PRICKLE2: variants seen among roughly 807,000 people sequenced by gnomAD.
The protein encoded by PRICKLE2 is prickle-like protein 2.
PRICKLE2 carries 21 observed loss-of-function variants against 81.4 expected under a neutral mutation model. That is an observed-to-expected ratio of 0.26 (90% CI 0.18 to 0.37). The LOEUF is 0.37. PRICKLE2 is among the 10% of genes least tolerant of loss of function. The pLI is 1.00. For missense variants in PRICKLE2, 940 were observed against 1,109.0 expected (o/e 0.85, Z 2.16); for synonymous variants, 456 against 421.5 (o/e 1.08, Z -1.00).
chr3:64,256,430 C>A (rs704404), intron 2 of PRICKLE2, among the ~76,000 whole-genome samples: 37,891 of 152,042 alleles, frequency 0.25, 4,959 homozygotes, highest in African/African-American at 0.31. Context: ...TCTCATTACA[C>A]AAGTACCTAC....
intron 2 of PRICKLE2, chr3:64,187,606 G>A (rs1440571894): frequency 1.3e-5 from 2 of 152,248 alleles, no homozygotes; most frequent in African/African-American, 2.4e-5. Context: ...CAAATGGCTG[G>A]TGAGTCTAAT....
intron 7 of PRICKLE2, among the ~76,000 whole-genome samples, chr3:64,112,483 C>G (rs1259093584): frequency 1.3e-5 from 2 of 151,864 alleles, no homozygotes; most frequent in African/African-American, 4.8e-5. Flanking sequence ...TAAATGGGTA[C>G]AATGGACAAG....
At chr3:64,183,837 CT>C (rs1220183619) in intron 2 of PRICKLE2, among the ~76,000 whole-genome samples, 2 of 152,190 alleles carry the variant, frequency 1.3e-5, no homozygotes, top group African/African-American at 4.8e-5. Context: ...TGATCCATGA[CT>C]TTTTCTGCAC....
intron 2 of PRICKLE2, among the ~76,000 whole-genome samples, chr3:64,253,440 T>C: frequency 6.6e-6 from 1 of 152,158 alleles, no homozygotes; most frequent in Non-Finnish European, 1.5e-5. Flanking sequence ...CCCCAGTTAC[T>C]CTCTCATGAA....
intron 7 of PRICKLE2, among the ~76,000 whole-genome samples, chr3:64,112,768 AG>A (rs1451301878): frequency 6.6e-6 from 1 of 152,232 alleles, no homozygotes; most frequent in African/African-American, 2.4e-5. Flanking sequence ...GCATCAGACA[AG>A]GCCTAATATA....
At chr3:64,224,874 G>A in intron 1 of PRICKLE2, 36 bp downstream of exon 1, 2 of 976,738 alleles carry the variant, frequency 2.0e-6, no homozygotes, top group Non-Finnish European at 2.4e-6. Flanking sequence ...ATATACTGCT[G>A]TTTAATTTGT....
chr3:64,114,096 G>C (rs1269857705), intron 7 of PRICKLE2, among the ~76,000 whole-genome samples: 1 of 152,074 alleles, frequency 6.6e-6, no homozygotes, highest in Non-Finnish European at 1.5e-5. Context: ...CTAGCAGTTG[G>C]GAGCTGGGTG....
intron 7 of PRICKLE2, among the ~76,000 whole-genome samples, chr3:64,138,274 A>C (rs2077307328): frequency 6.6e-6 from 1 of 152,046 alleles, no homozygotes; most frequent in South Asian, 2.1e-4. Flanking sequence ...AGTTCCTGGG[A>C]TGGGACATGA....
At chr3:64,120,541 G>C (rs1160698850) in intron 7 of PRICKLE2, among the ~76,000 whole-genome samples, 3 of 152,144 alleles carry the variant, frequency 2.0e-5, no homozygotes, top group Admixed American at 2.0e-4. Flanking sequence ...TCAAGCTTCA[G>C]AAGCATGCAA....
chr3:64,141,623 C>T (rs1260597000), intron 7 of PRICKLE2, among the ~76,000 whole-genome samples: 4 of 152,176 alleles, frequency 2.6e-5, no homozygotes, highest in Admixed American at 1.3e-4. Flanking sequence ...TGAGTCACTC[C>T]GTGTAAGCAT....
In PRICKLE2 at chr3:64,260,338, C is replaced by CA. The variant is rs1336204450; in HGVS notation, c.129-61372dup. 8.5e-5 allele frequency among the ~76,000 whole-genome samples: 13 copies of CA among 152,300 alleles called. No homozygotes were observed. The East Asian group carries it at 2.5e-3, about 29-fold the overall frequency. On this transcript the variant is annotated intron_variant, in intron 2 of 8. Coordinates refer to the PRICKLE2 transcript ENST00000295902. ...TGATTATTCTTCTAAAGCCCCCTAACACAGTGCAGCAGCTACGAGGGCAAG... is the reference window on the plus strand; with the variant it reads ...TGATTATTCTTCTAAAGCCCCCTAACAACAGTGCAGCAGCTACGAGGGCAAG...
chr3:64,178,000 C>T (rs2078055708), intron 2 of PRICKLE2, among the ~76,000 whole-genome samples: 1 of 152,180 alleles, frequency 6.6e-6, no homozygotes, highest in Admixed American at 6.5e-5. Flanking sequence ...AGTGGCTGCA[C>T]CATTTTACAT....
At chr3:64,155,716 A>G (rs1310828914) in intron 5 of PRICKLE2, among the ~76,000 whole-genome samples, 1 of 152,260 alleles carries the variant, frequency 6.6e-6, no homozygotes, top group Non-Finnish European at 1.5e-5. Context: ...TGAAGTACTT[A>G]CATATACTAC....
At chr3:64,245,721 G>A (rs761733533) in intron 2 of PRICKLE2, among the ~76,000 whole-genome samples, 1 of 152,074 alleles carries the variant, frequency 6.6e-6, no homozygotes, top group African/African-American at 2.4e-5. Flanking sequence ...TAAATCCAAC[G>A]GAATGGGCAG....
chr3:64,126,361 G>T (rs1380966859), intron 7 of PRICKLE2, among the ~76,000 whole-genome samples: 1 of 152,208 alleles, frequency 6.6e-6, no homozygotes, highest in Non-Finnish European at 1.5e-5. Flanking sequence ...GCAGGTATGA[G>T]AAACCACGGC....
At chr3:64,230,469 G>A (rs763409339) in intron 2 of PRICKLE2, among the ~76,000 whole-genome samples, 1 of 152,100 alleles carries the variant, frequency 6.6e-6, no homozygotes. Context: ...GGCAACCCAC[G>A]TAACCATAAA....
In PRICKLE2 at chr3:64,139,908, T is replaced by G. The variant is rs567669875; in HGVS notation, c.1660+6922A>C. Among the ~76,000 whole-genome samples, 3 of 152,336 alleles carry G rather than the reference T, an allele frequency of 2.0e-5. No homozygotes were observed. In the East Asian group the frequency reaches 5.8e-4, roughly 29 times the overall value. The stretch of plus-strand genomic sequence containing the variant: ...CCTTTGACTCAGCCACATCCCTCTT[T>G]GTAAGGCCTCCTAGCCTCACACTTA... On this transcript the variant is annotated intron_variant, in intron 7 of 7. Coordinates refer to ENST00000638394, the MANE Select transcript of PRICKLE2 (RefSeq NM_198859.4).
chr3:64,221,457 A>ACG (rs947209629), intron 1 of PRICKLE2, among the ~76,000 whole-genome samples: 1 of 146,644 alleles, frequency 6.8e-6, no homozygotes, highest in African/African-American at 2.5e-5. Context: ...ACACACACAC[A>ACG]CGCACACACA....
intron 2 of PRICKLE2, among the ~76,000 whole-genome samples, chr3:64,264,344 C>T (rs1274033116): frequency 6.6e-6 from 1 of 152,116 alleles, no homozygotes; most frequent in Non-Finnish European, 1.5e-5. Context: ...AAGATAAAGT[C>T]CAGAGTTCCA....
Sources: gnomAD v4.1 joint callset for allele counts (sites outside exome capture counted in the v4.1 genomes callset) on GRCh38, gnomAD v4.1.1 for gene constraint, MANE v1.5 for transcripts, NCBI Gene and HGNC (gene_info 2026-07-23, HGNC 2026-07-21) for gene names.